The following NCK2 variants were observed in gnomAD, a reference collection of about 807,000 sequenced individuals.
The protein encoded by NCK2 is cytoplasmic protein NCK2.
Under a neutral mutation model 33.9 loss-of-function variants are expected in NCK2, and 16 were observed. The observed-to-expected ratio is 0.47, with a 90% CI of 0.32 to 0.72. NCK2 has a LOEUF of 0.72. Ranked by LOEUF, NCK2 falls within the 30% of genes least tolerant of loss-of-function variation. NCK2 has a pLI of 0.03. For synonymous variants in NCK2, 273 were observed against 239.9 expected, an observed-to-expected ratio of 1.14 and a Z score of -1.27; for missense variants, 418 against 537.3, an observed-to-expected ratio of 0.78 and a Z score of 2.19.
intron 1 of NCK2, among the ~76,000 whole-genome samples, chr2:105,809,652 G>A (rs1675215509): frequency 6.6e-6 from 1 of 152,180 alleles, no homozygotes; most frequent in Non-Finnish European, 1.5e-5. Context: ...GGTAGGGCAA[G>A]GACACAATTT....
intron 3 of NCK2, among the ~76,000 whole-genome samples, chr2:105,857,837 C>T (rs1298354557): frequency 6.6e-6 from 1 of 152,180 alleles, no homozygotes; most frequent in Non-Finnish European, 1.5e-5. Context: ...TGAGTTTTCC[C>T]TTGCCCTGTT....
chr2:105,843,864 G>A (rs2082183), intron 2 of NCK2, among the ~76,000 whole-genome samples: 2,427 of 152,336 alleles, frequency 0.016, 35 homozygotes, highest in Non-Finnish European at 0.02. Context: ...AGCGTGGGCT[G>A]TTCCTGGAGA....
At chr2:105,806,722 G>A (rs959111984) in intron 1 of NCK2, among the ~76,000 whole-genome samples, 1 of 152,004 alleles carries the variant, frequency 6.6e-6, no homozygotes, top group Non-Finnish European at 1.5e-5. Context: ...AAAAAATCAC[G>A]TTGATTCAGT....
At chr2:105,867,599 G>A (rs1206961124) in intron 3 of NCK2, among the ~76,000 whole-genome samples, 1 of 152,120 alleles carries the variant, frequency 6.6e-6, no homozygotes, top group South Asian at 2.1e-4. Flanking sequence ...GGAAGTGAAG[G>A]TGGGGTCCGT....
In NCK2 at chr2:105,881,354, A is replaced by T; in HGVS notation, c.253A>T (p.Ser85Cys). 6.2e-7 allele frequency: 1 copy of T among 1,604,212 alleles called. No individual in the cohort carries two copies. Among genetic ancestry groups the T allele is most frequent in the Non-Finnish European group, 8.5e-7 (1 of 1,177,932 alleles). Residue 85 changes from serine to cysteine, a missense_variant, in exon 4 of 5, where the codon AGC (serine) becomes TGC (cysteine). By Grantham distance (112) the Ser-to-Cys change is moderately radical. Transcript: ENST00000233154. ...LGLGKTRRKTSARDASPTPST... is the reference protein window; with the variant it reads ...LGLGKTRRKTCARDASPTPST... ...CCTCGGCAAGACGCGCAGGAAGACC[A>T]GCGCGCGGGATGCGTCCCCCACGCC...
intron 3 of NCK2, among the ~76,000 whole-genome samples, chr2:105,856,036 G>A (rs1300650225): frequency 6.6e-6 from 1 of 152,068 alleles, no homozygotes; most frequent in Non-Finnish European, 1.5e-5. Context: ...GGGTTTCACT[G>A]TGTTAGCCAG....
At chr2:105,788,657 T>C (rs559571171) in intron 1 of NCK2, among the ~76,000 whole-genome samples, 2 of 152,358 alleles carry the variant, frequency 1.3e-5, no homozygotes, top group South Asian at 2.1e-4. Context: ...TCCTCATCTC[T>C]AAGTGCCTTC....
In NCK2 at chr2:105,865,765, C is replaced by T. The variant is rs78592565; in HGVS notation, c.226+10476C>T. ...ACACATGTGCCGCTGCCGCATGAGT[C>T]ATCTTCAGCATCTTTGTCATCAGTT... is the stretch of plus-strand genomic sequence containing the variant. On this transcript the variant is annotated intron_variant, in intron 3 of 4. Coordinates refer to ENST00000233154, the MANE Select transcript of NCK2 (RefSeq NM_003581.5). Among the ~76,000 whole-genome samples, 45 of 152,264 alleles carry T rather than the reference C, an allele frequency of 3.0e-4. 1 individual carries two copies. In the East Asian group the frequency reaches 8.7e-3, roughly 29 times the overall value.
chr2:105,776,214 G>A (rs1451989938), intron 1 of NCK2, among the ~76,000 whole-genome samples: 1 of 152,184 alleles, frequency 6.6e-6, no homozygotes, highest in African/African-American at 2.4e-5. Flanking sequence ...GTCCTGGGTG[G>A]GGACACCCCA....
intron 1 of NCK2, among the ~76,000 whole-genome samples, chr2:105,758,212 C>T (rs1689654114): frequency 1.3e-5 from 2 of 151,902 alleles, no homozygotes; most frequent in South Asian, 4.1e-4. Flanking sequence ...TGGCATAAAG[C>T]CATTATGCCA....
chr2:105,864,034 A>T (rs1677652527), intron 3 of NCK2, among the ~76,000 whole-genome samples: 1 of 152,036 alleles, frequency 6.6e-6, no homozygotes, highest in Admixed American at 6.6e-5. Context: ...ACGGAAACCC[A>T]TAGGTGTGGG....
chr2:105,848,452 A>C (rs1260665985), intron 2 of NCK2: 1 of 152,254 alleles, frequency 6.6e-6, no homozygotes, highest in Non-Finnish European at 1.5e-5. Flanking sequence ...AAGACAGATC[A>C]TGAAAGGACT....
rs180990544 is a variant in NCK2 at position 105,791,396 on chromosome 2, T to C, written c.-200-25034T>C. On this transcript the variant is annotated intron_variant, in intron 1 of 4. Coordinates refer to ENST00000233154, the MANE Select transcript of NCK2 (RefSeq NM_003581.5). ...TGACCAGGTGTGGTGGAAGGCTCGG[T>C]GGCTTTCACGATGGGAGGATATACG... 1.2e-4 allele frequency among the ~76,000 whole-genome samples: 19 copies of C among 152,304 alleles called. 1 individual carries two copies. In the East Asian group the frequency reaches 3.7e-3, roughly 29 times the overall value.
intron 1 of NCK2, among the ~76,000 whole-genome samples, chr2:105,800,308 G>A (rs141714567): frequency 2.1e-3 from 319 of 152,314 alleles, no homozygotes; most frequent in Non-Finnish European, 3.4e-3. Context: ...TGCTGTGAAC[G>A]GGGTAATGAG....
At chr2:105,750,657 A>G (rs916726667) in intron 1 of NCK2, among the ~76,000 whole-genome samples, 1 of 152,242 alleles carries the variant, frequency 6.6e-6, no homozygotes, top group Non-Finnish European at 1.5e-5. Context: ...CAAAGGCTGG[A>G]AAGGTTTTAA....
Position 105,882,036 on chromosome 2 carries a change from A to C in NCK2, c.935A>C (p.Asp312Ala), listed in dbSNP as rs765223593. The C allele has an allele frequency of 6.7e-7, 1 of 1,499,884 alleles. No homozygotes were observed. Among genetic ancestry groups the C allele is most frequent in the Admixed American group, 2.4e-5 (1 of 42,102 alleles). 92.9% of individuals were successfully genotyped at this position (1,499,884 alleles called of 1,614,324 possible). A position where few individuals can be genotyped will look rare whatever the true frequency, so the allele number is the denominator to read the frequency against. ...RGVEGDFLIRDSESSPSDFSV... is the reference protein window; with the variant it reads ...RGVEGDFLIRASESSPSDFSV... ...GTGGAGGGCGACTTCCTCATTAGGG[A>C]CAGCGAGTCCTCGGTAAGTGCGCTG... Residue 312 changes from aspartate (D) to alanine (A), a missense_variant, in exon 4 of 5, where the codon GAC becomes GCC. Coordinates refer to ENST00000233154, the MANE Select transcript of NCK2 (RefSeq NM_003581.5).
rs1675025040 is a variant in NCK2 at position 105,806,135 on chromosome 2, CA to C, written c.-200-10293del. Among the ~76,000 whole-genome samples the C allele has an allele frequency of 2.6e-5, 4 of 151,700 alleles. 1 individual carries two copies. In the South Asian group the frequency reaches 8.4e-4, roughly 32 times the overall value. On this transcript the variant is annotated intron_variant, in intron 1 of 4. Coordinates refer to ENST00000233154, the MANE Select transcript of NCK2 (RefSeq NM_003581.5). ...GCTCAAAAATTATCAGATTTTGGAG[CA>C]ATTTGTATTTTGTATTTTTAGATTA...
chr2:105,746,599 GT>G (rs764702270), intron 1 of NCK2, among the ~76,000 whole-genome samples: 6 of 152,230 alleles, frequency 3.9e-5, no homozygotes, highest in Non-Finnish European at 7.3e-5. Flanking sequence ...AGCCTTGCGA[GT>G]TTTACGTAAA....
chr2:105,835,350 TTC>T (rs2104532937), intron 2 of NCK2, among the ~76,000 whole-genome samples: 1 of 141,552 alleles, frequency 7.1e-6, no homozygotes, highest in South Asian at 2.3e-4. Context: ...GGGTATAGTA[TTC>T]TTGGCTGGTT....
Sources: allele counts gnomAD v4.1 joint callset (sites outside exome capture counted in the v4.1 genomes callset), GRCh38; gene constraint gnomAD v4.1.1; transcripts MANE v1.5; gene names NCBI Gene and HGNC (gene_info 2026-07-23, HGNC 2026-07-21).